IFI44: variants seen among roughly 807,000 people sequenced by gnomAD.
The protein encoded by IFI44 is interferon-induced protein 44.
IFI44 carries 42 observed loss-of-function variants against 45.0 expected under a neutral mutation model. That is an observed-to-expected ratio of 0.93 (90% CI 0.73 to 1.21). The LOEUF (loss-of-function observed/expected upper bound fraction) is 1.21. IFI44 is among the 50% of genes most tolerant of loss of function. IFI44 has a pLI of 0.00. For missense variants in IFI44, 623 were observed against 525.8 expected (o/e 1.18, Z -1.81); for synonymous variants, 221 against 188.6 (o/e 1.17, Z -1.41).
chr1:78,653,688 C>A (rs1647159276), intron 2 of IFI44, among the ~76,000 whole-genome samples: 1 of 152,140 alleles, frequency 6.6e-6, no homozygotes, highest in African/African-American at 2.4e-5. Context: ...GTTGGGTAGG[C>A]ATGAGTCTCA....
rs1334330647 is a variant in IFI44 at position 78,660,425 on chromosome 1, G to A, written c.1013-129G>A. ...GGGAGTTTTTTGGGGAGATGAGGGT[G>A]ACCGGGGTGTGGGGGATCTTTCCAA... On this transcript the variant is annotated intron_variant, in intron 6 of 8. Coordinates refer to ENST00000370747, the MANE Select transcript of IFI44 (RefSeq NM_006417.5). 36 of 650,382 alleles carry A rather than the reference G, an allele frequency of 5.5e-5. No individual in the cohort carries two copies. The Admixed American group carries it at 1.0e-3, about 18-fold the overall frequency. The allele number at this position is 650,382 out of a possible 1,614,324, so 40.3% of individuals were successfully genotyped here. A position where few individuals can be genotyped will look rare whatever the true frequency, so the allele number is the denominator to read the frequency against.
intron 5 of IFI44, 67 bp from the exon 6 acceptor site, chr1:78,659,245 C>T: frequency 2.3e-6 from 3 of 1,282,718 alleles, no homozygotes; most frequent in Non-Finnish European, 3.3e-6. Context: ...TTGCACAGTG[C>T]CTGGTACATA....
intron 7 of IFI44, 43 bp from the exon 8 acceptor site, chr1:78,662,661 T>C (rs760574687): frequency 1.4e-6 from 2 of 1,417,658 alleles, no homozygotes; most frequent in South Asian, 2.4e-5. Context: ...TAAAATAATA[T>C]TTTTCACTGT....
In IFI44 at chr1:78,655,349, C is replaced by T; in HGVS notation, c.691-13C>T. Reference sequence around the variant, plus strand: ...AAAATGAATCTTTAAAATTGCTTTTCTCCCCTCTACAGTATAGGACATACT... The same window carrying T: ...AAAATGAATCTTTAAAATTGCTTTTTTCCCCTCTACAGTATAGGACATACT... On this transcript the variant is annotated splice_polypyrimidine_tract_variant and intron_variant, in intron 4 of 8. Transcript: ENST00000370747. The T allele has an allele frequency of 6.3e-7, 1 of 1,577,988 alleles. No individual in the cohort carries two copies. Among genetic ancestry groups the T allele is most frequent in the Non-Finnish European group, 8.6e-7 (1 of 1,166,454 alleles).
rs1647392409 is a variant in IFI44 at position 78,660,588 on chromosome 1, T to C, written c.1047T>C (p.Asp349=). ...VVHVALLTHV[D]SMDLITKGDL... Reference sequence around the variant, plus strand: ...ATGTGGCTTTGCTCACTCATGTGGATAGCATGGATTTGATTACAAAAGGTG... The same window carrying C: ...ATGTGGCTTTGCTCACTCATGTGGACAGCATGGATTTGATTACAAAAGGTG... The change falls in exon 7 of 9, where the codon GAT becomes GAC. Residue 349 remains aspartate, a synonymous_variant. Transcript: ENST00000370747. 1 of 1,613,652 alleles carries C rather than the reference T, an allele frequency of 6.2e-7. No homozygotes were observed. The highest frequency in any genetic ancestry group is 8.5e-7 in the Non-Finnish European group (1 of 1,179,760).
rs766221904 is a variant in IFI44, at chr1:78,655,123, T to G, written c.604T>G (p.Phe202Val). 11 of 1,613,832 alleles carry G rather than the reference T, an allele frequency of 6.8e-6. No homozygotes were observed. In the African/African-American group the frequency reaches 1.1e-4, roughly 16 times the overall value. ...LGPIGAGKSS[F>V]FNSVRSVFQG... is the part of the protein sequence containing the mutation. Reference sequence around the variant, plus strand: ...TCCAATTGGAGCTGGGAAGTCCAGCTTTTTCAACTCAGTGAGGTCTGTTTT... The same window carrying G: ...TCCAATTGGAGCTGGGAAGTCCAGCGTTTTCAACTCAGTGAGGTCTGTTTT... The change falls in exon 4 of 9, where the codon TTT (phenylalanine) becomes GTT (valine). Residue 202 changes from phenylalanine to valine, a missense_variant. Coordinates refer to ENST00000370747, the MANE Select transcript of IFI44 (RefSeq NM_006417.5).
At chr1:78,663,690 G>T in intron 8 of IFI44, 75 bp from the exon 9 acceptor site, 1 of 1,574,846 alleles carries the variant, frequency 6.3e-7, no homozygotes, top group Non-Finnish European at 8.6e-7. Flanking sequence ...ATTTTCAGTG[G>T]TCCAATATTC....
chr1:78,663,545 C>T (rs1647593231), intron 8 of IFI44: 1 of 985,200 alleles, frequency 1.0e-6, no homozygotes. Context: ...ATCACATCCT[C>T]TCCAATTCTC....
intron 6 of IFI44, among the ~76,000 whole-genome samples, chr1:78,660,027 T>A (rs1336039582): frequency 6.6e-6 from 1 of 152,182 alleles, no homozygotes; most frequent in Non-Finnish European, 1.5e-5. Context: ...TTATCACTGT[T>A]CTTAGTTTTG....
chr1:78,656,037 T>G (rs1454080225), intron 5 of IFI44, among the ~76,000 whole-genome samples: 1 of 152,172 alleles, frequency 6.6e-6, no homozygotes, highest in African/African-American at 2.4e-5. Context: ...GATCTCTTTC[T>G]GTCATGTGAA....
intron 2 of IFI44, among the ~76,000 whole-genome samples, 189 bp downstream of exon 2, chr1:78,650,841 A>G (rs1023756362): frequency 1.3e-5 from 2 of 152,254 alleles, no homozygotes; most frequent in African/African-American, 4.8e-5. Context: ...TTATGATAAG[A>G]ACCCTTAACG....
At chr1:78,656,728 C>A (rs558736431) in intron 5 of IFI44, among the ~76,000 whole-genome samples, 1 of 149,382 alleles carries the variant, frequency 6.7e-6, no homozygotes, top group African/African-American at 2.5e-5. Flanking sequence ...ATTATATTTA[C>A]ACTTTATACT....
At chr1:78,662,332 G>T (rs940318785) in intron 7 of IFI44, among the ~76,000 whole-genome samples, 1 of 152,166 alleles carries the variant, frequency 6.6e-6, no homozygotes. Flanking sequence ...TTCGAACCTA[G>T]GCAGTTTGAT....
chr1:78,663,939 A>T lies in IFI44; in HGVS notation c.*128A>T, dbSNP rs1570408975. 1 of 723,196 alleles carries T rather than the reference A, an allele frequency of 1.4e-6. No individual in the cohort carries two copies. Among genetic ancestry groups the T allele is most frequent in the Non-Finnish European group, 2.2e-6 (1 of 455,508 alleles). The allele number at this position is 723,196 out of a possible 1,614,324, so 44.8% of individuals were successfully genotyped here. On this transcript the variant is annotated 3_prime_UTR_variant, in exon 9 of 9. Transcript: ENST00000370747. ...GTTTTATTAATGTCTAGGATGAAGA[A>T]ATGCATAGAACATTGTAGTACTTGT...
At chr1:78,656,858 T>C (rs1647222404) in intron 5 of IFI44, among the ~76,000 whole-genome samples, 1 of 151,508 alleles carries the variant, frequency 6.6e-6, no homozygotes, top group African/African-American at 2.4e-5. Context: ...GTAAATGCTG[T>C]TTATTTTTAA....
At chr1:78,654,362 A>C (rs1647172158) in intron 3 of IFI44, 83 bp downstream of exon 3, 1 of 725,704 alleles carries the variant, frequency 1.4e-6, no homozygotes, top group Non-Finnish European at 2.4e-6. Flanking sequence ...TATAATTGGC[A>C]ACACATATTA....
In IFI44 at chr1:78,653,709, T is replaced by C. The variant is rs78146954; in HGVS notation, c.458-534T>C. Among the ~76,000 whole-genome samples the C allele has an allele frequency of 6.3e-3, 963 of 152,334 alleles. 19 individuals are homozygous for C. The highest frequency in any genetic ancestry group is 0.022 in the African/African-American group (908 of 41,572). On this transcript the variant is annotated intron_variant, in intron 2 of 8. Transcript: ENST00000370747. ...TAGGCATGAGTCTCATCTTCTCTTCTGGGAGCAGGAATAAAATTAAGTGAG... is the reference window on the plus strand; with the variant it reads ...TAGGCATGAGTCTCATCTTCTCTTCCGGGAGCAGGAATAAAATTAAGTGAG...
Position 78,655,063 on chromosome 1 carries a change from T to G in IFI44, c.544T>G (p.Ser182Ala). The G allele has an allele frequency of 6.2e-7, 1 of 1,613,882 alleles. No individual in the cohort carries two copies. Among genetic ancestry groups the G allele is most frequent in the East Asian group, 2.2e-5 (1 of 44,854 alleles). The change falls in exon 4 of 9, where the codon TCC (serine) becomes GCC (alanine). Residue 182 changes from serine (S) to alanine (A), a missense_variant. Ser to Ala is a moderately conservative substitution (Grantham distance 99). Transcript: ENST00000370747. ...SALRTYEPYG[S>A]LVQQIRILLL... ...CTTGAGAACTTATGAACCATATGGATCCCTGGTTCAACAAATACGAATTCT... is the reference window on the plus strand; with the variant it reads ...CTTGAGAACTTATGAACCATATGGAGCCCTGGTTCAACAAATACGAATTCT...
At chr1:78,661,405 T>A (rs1345245389) in intron 7 of IFI44, among the ~76,000 whole-genome samples, 1 of 152,114 alleles carries the variant, frequency 6.6e-6, no homozygotes, top group South Asian at 2.1e-4. Context: ...AACTCACAGA[T>A]GCAGAACCCA....
Sources: allele counts gnomAD v4.1 joint callset (sites outside exome capture counted in the v4.1 genomes callset), GRCh38; gene constraint gnomAD v4.1.1; transcripts MANE v1.5; gene names NCBI Gene and HGNC (gene_info 2026-07-23, HGNC 2026-07-21).